PYY: variants seen among roughly 807,000 people sequenced by gnomAD.
The protein encoded by PYY is peptide YY.
In PYY, 12 loss-of-function variants were observed where a neutral mutation model predicts 10.3. That is an observed-to-expected ratio of 1.17 (90% CI 0.75 to 1.89). The LOEUF (loss-of-function observed/expected upper bound fraction) is 1.89. Among genes scored for constraint, PYY ranks in the 40% most tolerant of loss-of-function variants. PYY has a pLI of 0.00. For missense variants in PYY, 141 were observed against 134.0 expected (o/e 1.05, Z -0.26); for synonymous variants, 66 against 62.0 (o/e 1.06, Z -0.30).
intron 1 of PYY, among the ~76,000 whole-genome samples, chr17:43,992,828 A>G (rs370308105): frequency 1.3e-5 from 2 of 152,122 alleles, no homozygotes; most frequent in African/African-American, 4.8e-5. Context: ...CCACAGAAGC[A>G]GATTGGAGTG....
chr17:43,986,225 T>C (rs977794533), intron 1 of PYY, among the ~76,000 whole-genome samples: 1 of 152,036 alleles, frequency 6.6e-6, no homozygotes, highest in African/African-American at 2.4e-5. Flanking sequence ...TGCCATTCAT[T>C]GCACTCCAGC....
intron 1 of PYY, among the ~76,000 whole-genome samples, chr17:44,000,793 G>T (rs1597861912): frequency 6.6e-6 from 1 of 151,704 alleles, no homozygotes; most frequent in Non-Finnish European, 1.5e-5. Context: ...GACCTCAAGT[G>T]ATCCGCCCGC....
At chr17:43,973,581 G>A (rs1002382272) in intron 1 of PYY, among the ~76,000 whole-genome samples, 4 of 152,180 alleles carry the variant, frequency 2.6e-5, no homozygotes, top group African/African-American at 4.8e-5. Context: ...ATCACCTGAA[G>A]TCCAGGAGTT....
intron 1 of PYY, among the ~76,000 whole-genome samples, chr17:44,003,140 T>G (rs2049041560): frequency 6.6e-6 from 1 of 152,134 alleles, no homozygotes. Flanking sequence ...CAGGCTCAAG[T>G]GATTCTCTGG....
chr17:44,002,446 G>A (rs989989131), intron 1 of PYY, among the ~76,000 whole-genome samples: 2 of 152,176 alleles, frequency 1.3e-5, no homozygotes, highest in Non-Finnish European at 2.9e-5. Flanking sequence ...CGAGCTGTGT[G>A]ACCTTGGCCA....
chr17:43,965,142 C>CT (rs78378577), intron 2 of PYY, among the ~76,000 whole-genome samples: 4 of 151,374 alleles, frequency 2.6e-5, no homozygotes, highest in South Asian at 4.2e-4. Context: ...TTTCTTTTCT[C>CT]TTTTTTTTTC....
chr17:43,981,224 G>A (rs73306620), intron 1 of PYY, among the ~76,000 whole-genome samples: 3,972 of 152,138 alleles, frequency 0.026, 175 homozygotes, highest in African/African-American at 0.09. Context: ...CGTCTGTTGA[G>A]TATATACACC....
chr17:43,965,523 C>T (rs55885380), intron 2 of PYY, among the ~76,000 whole-genome samples: 2 of 146,928 alleles, frequency 1.4e-5, no homozygotes, highest in Non-Finnish European at 3.0e-5. Context: ...GGCATGGTGA[C>T]TCACACCTGT....
chr17:44,001,276 C>T (rs2049024887), intron 1 of PYY, among the ~76,000 whole-genome samples: 1 of 152,186 alleles, frequency 6.6e-6, no homozygotes, highest in Non-Finnish European at 1.5e-5. Context: ...CAGGACCCTT[C>T]TGGGTGGAAG....
At chr17:43,985,912 G>A (rs569193037) in intron 1 of PYY, among the ~76,000 whole-genome samples, 15 of 152,226 alleles carry the variant, frequency 9.9e-5, no homozygotes, top group East Asian at 1.9e-4. Context: ...TTCCAATTTC[G>A]TAAAATATAT....
chr17:43,990,758 C>T lies in PYY; in HGVS notation c.-463+13633G>A, dbSNP rs187016760. On this transcript the variant is annotated intron_variant, in intron 1 of 6. Coordinates refer to the PYY transcript ENST00000360085. ...TATGCAGTCACCTAAAAGATGATTA[C>T]GAAATTTATGATATGAGAAACTAGG... 1.9e-4 allele frequency among the ~76,000 whole-genome samples: 28 copies of T among 149,060 alleles called. 1 individual carries two copies. The South Asian group carries it at 1.9e-3, about 10-fold the overall frequency.
chr17:44,001,771 T>C (rs1009273062), intron 1 of PYY, among the ~76,000 whole-genome samples: 3 of 150,568 alleles, frequency 2.0e-5, no homozygotes, highest in Admixed American at 1.3e-4. Flanking sequence ...AGCCCCCATC[T>C]GAGGGAGATA....
chr17:43,974,809 G>A (rs1378359151), intron 1 of PYY, among the ~76,000 whole-genome samples: 1 of 152,128 alleles, frequency 6.6e-6, no homozygotes, highest in South Asian at 2.1e-4. Context: ...TGCTGGTGAG[G>A]ATTAGGATGC....
Position 43,953,485 on chromosome 17 carries a change from T to C in PYY, c.1-2A>G. 6.3e-7 allele frequency: 1 copy of C among 1,586,824 alleles called. No individual in the cohort carries two copies. The highest frequency in any genetic ancestry group is 1.1e-5 in the South Asian group (1 of 88,376). On this transcript the variant is annotated splice_acceptor_variant, in intron 1 of 3. Transcript: ENST00000692052. LOFTEE classifies it low-confidence loss of function (5UTR_SPLICE). ...CCACGGCCTGCGCACGAACACCATC[T>C]GGGAAGGCGACATTGGGACGTGGGT...
chr17:43,964,938 T>C (rs2048744136), intron 2 of PYY, among the ~76,000 whole-genome samples: 2 of 152,234 alleles, frequency 1.3e-5, no homozygotes, highest in African/African-American at 4.8e-5. Flanking sequence ...TACCATCTCC[T>C]GTGTCCTTGA....
At chr17:43,989,454 C>G (rs968520042) in intron 1 of PYY, among the ~76,000 whole-genome samples, 1 of 152,094 alleles carries the variant, frequency 6.6e-6, no homozygotes, top group African/African-American at 2.4e-5. Context: ...TGCCATACTG[C>G]TTCCATAGCA....
intron 2 of PYY, among the ~76,000 whole-genome samples, chr17:43,962,737 AC>A (rs1698930063): frequency 6.6e-6 from 1 of 152,212 alleles, no homozygotes; most frequent in Admixed American, 6.5e-5. Context: ...GATGTAGTCA[AC>A]AGGTGTTACC....
intron 1 of PYY, among the ~76,000 whole-genome samples, chr17:43,990,315 T>A (rs1482505589): frequency 3.3e-5 from 5 of 151,600 alleles, no homozygotes; most frequent in African/African-American, 7.3e-5. Flanking sequence ...GGCACACACC[T>A]GTAATCTCAG....
At position 43,989,190 on chromosome 17, in the gene PYY, C is replaced by T. The variant is rs577733197; in HGVS notation, c.-463+15201G>A. On this transcript the variant is annotated intron_variant, in intron 1 of 6. Coordinates refer to the PYY transcript ENST00000360085. ...GAGATCAAGACCATCCTGGCTAACA[C>T]GGTGAAACCCCGTCTCTGCTAAAAA... 4.4e-4 allele frequency among the ~76,000 whole-genome samples: 67 copies of T among 151,934 alleles called. 1 individual carries two copies. The highest frequency in any genetic ancestry group is 6.8e-3 in the Middle Eastern group (2 of 294).
Sources: allele counts gnomAD v4.1 joint callset (sites outside exome capture counted in the v4.1 genomes callset), GRCh38; gene constraint gnomAD v4.1.1; transcripts MANE v1.5; gene names NCBI Gene and HGNC (gene_info 2026-07-23, HGNC 2026-07-21).